The following CD96 variants were observed in gnomAD, a reference collection of about 807,000 sequenced individuals.
CD96 encodes the protein T-cell surface protein tactile.
CD96 carries 70 observed loss-of-function variants against 71.3 expected under a neutral mutation model. That is an observed-to-expected ratio of 0.98 (90% CI 0.81 to 1.20). The LOEUF is 1.20. Among genes scored for constraint, CD96 ranks in the 50% most tolerant of loss-of-function variants. The pLI is 0.00. For missense variants in CD96, 742 were observed against 677.5 expected, an observed-to-expected ratio of 1.10 and a Z score of -1.06; for synonymous variants, 248 against 233.0, an observed-to-expected ratio of 1.06 and a Z score of -0.59.
intron 2 of CD96, among the ~76,000 whole-genome samples, chr3:111,548,580 G>A (rs1402892712): frequency 1.3e-5 from 2 of 152,126 alleles, no homozygotes; most frequent in Non-Finnish European, 2.9e-5. Context: ...GCTTCAGATT[G>A]TAAGATTTTG....
At chr3:111,624,492 T>G in intron 10 of CD96, 88 bp downstream of exon 10, 2 of 818,762 alleles carry the variant, frequency 2.4e-6, no homozygotes, top group Middle Eastern at 2.2e-4. Context: ...GTGCTTTGTT[T>G]GTAATAATAT....
chr3:111,656,918 T>A (rs1940243471), downstream of CD96, among the ~76,000 whole-genome samples: 1 of 152,032 alleles, frequency 6.6e-6, no homozygotes, highest in South Asian at 2.1e-4. Context: ...TATGGAGAAG[T>A]GTCCTTTCCT....
chr3:111,618,523 C>A (rs1157748685), intron 8 of CD96, among the ~76,000 whole-genome samples: 16 of 151,728 alleles, frequency 1.1e-4, no homozygotes. Context: ...TAAATCAAGA[C>A]CTTTATATGT....
chr3:111,623,953 T>A (rs1326336792), intron 9 of CD96, 131 bp downstream of exon 9: 2 of 735,658 alleles, frequency 2.7e-6, no homozygotes, highest in African/African-American at 3.5e-5. Flanking sequence ...AATATCTTGG[T>A]TTTGGGTTAC....
chr3:111,611,336 A>G (rs947905009), intron 8 of CD96, among the ~76,000 whole-genome samples: 2 of 152,206 alleles, frequency 1.3e-5, no homozygotes, highest in African/African-American at 4.8e-5. Context: ...GGATGCAACA[A>G]AACTACTGAT....
intron 5 of CD96, chr3:111,593,346 G>A (rs953954487): frequency 3.8e-6 from 2 of 527,756 alleles, no homozygotes; most frequent in Non-Finnish European, 6.0e-6. Flanking sequence ...TTCGGCCAAG[G>A]GTCAGCAGAG....
downstream of CD96, among the ~76,000 whole-genome samples, chr3:111,655,634 A>G (rs1940210770): frequency 6.6e-6 from 1 of 152,124 alleles, no homozygotes; most frequent in Admixed American, 6.5e-5. Context: ...CCAAGAATGT[A>G]AGAAGCATCT....
At chr3:111,589,562 A>C (rs1936878037) in intron 5 of CD96, among the ~76,000 whole-genome samples, 1 of 152,004 alleles carries the variant, frequency 6.6e-6, no homozygotes, top group Non-Finnish European at 1.5e-5. Context: ...GTAACTCCTC[A>C]CTCTAATATT....
rs756228865 is a variant in CD96 at position 111,606,727 on chromosome 3, C to T, written c.1115C>T (p.Pro372Leu). 1 of 1,598,310 alleles carries T rather than the reference C, an allele frequency of 6.3e-7. No individual in the cohort carries two copies. The highest frequency in any genetic ancestry group is 1.1e-5 in the South Asian group (1 of 90,724). Residue 372 changes from proline (P) to leucine (L), a missense_variant, in exon 8 of 14, where the codon CCA becomes CTA. Physicochemically the swap from Pro to Leu is moderately conservative, Grantham distance 98 (BLOSUM62 -3). Coordinates refer to ENST00000352690, the MANE Select transcript of CD96 (RefSeq NM_005816.5). ...LGSEISSTDP[P>L]LSVTESTLDT... ...TCTGAAATTTCCTCAACAGACCCTC[C>T]ACTGAGTGTTACAGAATCTACCCTT...
chr3:111,599,157 T>C (rs1459424975), intron 6 of CD96, among the ~76,000 whole-genome samples: 2 of 151,736 alleles, frequency 1.3e-5, no homozygotes, highest in Non-Finnish European at 2.9e-5. Flanking sequence ...TTTAGATGAG[T>C]CGGGGTTTCA....
intron 7 of CD96, among the ~76,000 whole-genome samples, chr3:111,606,424 C>T (rs188624536): frequency 6.6e-6 from 1 of 152,222 alleles, no homozygotes; most frequent in Admixed American, 6.5e-5. Context: ...TATCAGTGCC[C>T]CTTCGTTGTG....
chr3:111,630,708 A>G (rs1489179088), intron 10 of CD96, among the ~76,000 whole-genome samples: 1 of 152,214 alleles, frequency 6.6e-6, no homozygotes, highest in Non-Finnish European at 1.5e-5. Context: ...ACAACAAAAA[A>G]AGAAAACTTC....
At chr3:111,647,314 A>AC (rs1939877162) in intron 12 of CD96, among the ~76,000 whole-genome samples, 1 of 152,152 alleles carries the variant, frequency 6.6e-6, no homozygotes, top group South Asian at 2.1e-4. Context: ...TATTCATGGT[A>AC]CATATGTATG....
chr3:111,624,016 G>A (rs1228140507), intron 9 of CD96, among the ~76,000 whole-genome samples, 194 bp downstream of exon 9: 3 of 152,076 alleles, frequency 2.0e-5, no homozygotes, highest in Non-Finnish European at 4.4e-5. Context: ...AAAAAATAAG[G>A]GCTGGTGATT....
intron 8 of CD96, among the ~76,000 whole-genome samples, chr3:111,611,651 T>A (rs1181623918): frequency 6.6e-6 from 1 of 150,712 alleles, no homozygotes; most frequent in Non-Finnish European, 1.5e-5. Context: ...AGTCAGTGAG[T>A]GCTGGGGGAA....
At chr3:111,588,681 G>A (rs1415669522) in intron 5 of CD96, among the ~76,000 whole-genome samples, 1 of 152,070 alleles carries the variant, frequency 6.6e-6, no homozygotes, top group Admixed American at 6.6e-5. Flanking sequence ...GATCTCATGA[G>A]ACTTACTCAC....
At chr3:111,544,009 C>A (rs1387672592) in intron 1 of CD96, among the ~76,000 whole-genome samples, 1 of 152,160 alleles carries the variant, frequency 6.6e-6, no homozygotes, top group Non-Finnish European at 1.5e-5. Context: ...AAATAAAGTT[C>A]TCTTTGGTCT....
At chr3:111,554,042 C>A (rs1042670695) in intron 2 of CD96, among the ~76,000 whole-genome samples, 3 of 151,952 alleles carry the variant, frequency 2.0e-5, no homozygotes, top group Non-Finnish European at 4.4e-5. Context: ...AAGTTTTCTT[C>A]ATTTCCAAAT....
intron 10 of CD96, among the ~76,000 whole-genome samples, chr3:111,636,477 T>C (rs1939334124): frequency 6.6e-6 from 1 of 152,346 alleles, no homozygotes; most frequent in East Asian, 1.9e-4. Context: ...TTACTTTACA[T>C]TGCACTGCAG....
Sources: gnomAD v4.1 joint callset for allele counts (sites outside exome capture counted in the v4.1 genomes callset) on GRCh38, gnomAD v4.1.1 for gene constraint, MANE v1.5 for transcripts, NCBI Gene and HGNC (gene_info 2026-07-23, HGNC 2026-07-21) for gene names.